The following CASK variants were observed in gnomAD, a reference collection of about 807,000 sequenced individuals.
CASK encodes peripheral plasma membrane protein CASK.
CASK carries 4 observed loss-of-function variants against 82.9 expected under a neutral mutation model. The ratio of observed to expected loss-of-function variants is 0.05; its 90% CI spans 0.02 to 0.11. The LOEUF (loss-of-function observed/expected upper bound fraction) is 0.11. Ranked by LOEUF, CASK falls within the 10% of genes least tolerant of loss-of-function variation. The probability of loss-of-function intolerance (pLI) is 1.00; values close to 1 mark genes in which losing one functional copy is unlikely to be tolerated. For missense variants in CASK, 358 were observed against 720.9 expected (o/e 0.50, Z 5.76); for synonymous variants, 259 against 253.5 (o/e 1.02, Z -0.20).
intron 5 of CASK, among the ~76,000 whole-genome samples, chrX:41,687,577 GTT>G: frequency 9.0e-6 from 1 of 111,626 alleles, no homozygotes; most frequent in South Asian, 3.7e-4. Context: ...GTGGTGAAGA[GTT>G]TTAGTTTTGC....
chrX:41,813,223 C>T (rs2070337250), intron 2 of CASK, among the ~76,000 whole-genome samples: 1 of 111,245 alleles, frequency 9.0e-6, no homozygotes, highest in Non-Finnish European at 1.9e-5. Flanking sequence ...ACTTTCTTCA[C>T]GAAATTGGAA....
chrX:41,914,381 T>A (rs772447559), intron 1 of CASK, among the ~76,000 whole-genome samples: 96 of 112,101 alleles, frequency 8.6e-4, no homozygotes, highest in African/African-American at 3.0e-3. Context: ...ATAAATAGAA[T>A]ACAAGAAGCT....
At chrX:41,916,956 G>C (rs1569482836) in intron 1 of CASK, among the ~76,000 whole-genome samples, 1 of 111,538 alleles carries the variant, frequency 9.0e-6, no homozygotes, top group Non-Finnish European at 1.9e-5. Flanking sequence ...CAGTTAGTTT[G>C]GTAACAAATG....
intron 17 of CASK, among the ~76,000 whole-genome samples, chrX:41,560,553 C>A (rs184665025): frequency 9.4e-6 from 1 of 106,549 alleles, no homozygotes; most frequent in Non-Finnish European, 1.9e-5. Flanking sequence ...CATGAGCCAC[C>A]GCACCCAGCC....
chrX:41,577,640 C>A (rs2065501569), intron 15 of CASK, among the ~76,000 whole-genome samples: 1 of 111,336 alleles, frequency 9.0e-6, no homozygotes. Flanking sequence ...TTTTTACTAC[C>A]AGGTTTACAC....
In CASK at chrX:41,827,774, G is replaced by A. The variant is rs1241972265; in HGVS notation, c.172+25341C>T. Among the ~76,000 whole-genome samples the A allele has an allele frequency of 2.7e-5, 3 of 111,762 alleles. No homozygotes were observed. In the Admixed American group the frequency reaches 2.8e-4, roughly 11 times the overall value. On this transcript the variant is annotated intron_variant, in intron 2 of 26. Transcript: ENST00000378163. Reference sequence around the variant, plus strand: ...GGTTTTTTATTTAAAGGTTTTTTTGGACATTTGTTTTAACACTATTAAAAG... The same window carrying A: ...GGTTTTTTATTTAAAGGTTTTTTTGAACATTTGTTTTAACACTATTAAAAG...
rs113561418 is a variant in CASK, at chrX:41,667,807, A to C, written c.533-2355T>G. Among the ~76,000 whole-genome samples the C allele has an allele frequency of 1.0e-2, 1,110 of 111,206 alleles. 11 individuals carry two copies. Among genetic ancestry groups the C allele is most frequent in the African/African-American group, 0.035 (1,064 of 30,559 alleles). On this transcript the variant is annotated intron_variant, in intron 6 of 26. Transcript: ENST00000378163. Reference sequence around the variant, plus strand: ...CTGCTCATAATTTAACCTTTTCTTGATGACTCAGAGTTGTCATTGTAGATA... The same window carrying C: ...CTGCTCATAATTTAACCTTTTCTTGCTGACTCAGAGTTGTCATTGTAGATA...
intron 25 of CASK, 21 bp from the exon 26 acceptor site, chrX:41,524,055 A>G (rs1472613916): frequency 9.4e-7 from 1 of 1,068,333 alleles, no homozygotes; most frequent in Admixed American, 2.4e-5. Context: ...AAAAAAAAAA[A>G]AAATCCCGAC....
At chrX:41,561,722 T>A in intron 16 of CASK, 78 bp from the exon 17 acceptor site, 1 of 776,719 alleles carries the variant, frequency 1.3e-6, no homozygotes, top group South Asian at 2.3e-5. Context: ...ATCAATGTAA[T>A]TTTTAAAAAC....
intron 5 of CASK, among the ~76,000 whole-genome samples, chrX:41,708,279 T>C (rs1441684208): frequency 1.8e-5 from 2 of 111,793 alleles, no homozygotes; most frequent in Non-Finnish European, 3.8e-5. Flanking sequence ...TTAATAGACA[T>C]AACATGTTTT....
intron 2 of CASK, among the ~76,000 whole-genome samples, chrX:41,818,143 TTCTGTG>T (rs2070449541): frequency 1.3e-5 from 1 of 76,020 alleles, no homozygotes; most frequent in Non-Finnish European, 2.6e-5. Flanking sequence ...CCAGGAGGCC[TTCTGTG>T]TGTGTGTGTG....
At chrX:41,667,733 T>C (rs1316075850) in intron 6 of CASK, among the ~76,000 whole-genome samples, 8 of 111,402 alleles carry the variant, frequency 7.2e-5, no homozygotes, top group African/African-American at 2.3e-4. Flanking sequence ...CTTAGTTAAA[T>C]AATTTTGTAT....
Position 41,517,619 on chromosome X carries a change from T to C in CASK, c.*2801A>G, listed in dbSNP as rs1602198405. The C allele has an allele frequency of 1.0e-5, 4 of 385,898 alleles. No homozygotes were observed. The highest frequency in any genetic ancestry group is 7.4e-4 in the Middle Eastern group (1 of 1,350). The allele number at this position is 385,898 out of a possible 1,213,427, so 31.8% of individuals were successfully genotyped here. On this transcript the variant is annotated 3_prime_UTR_variant, in exon 27 of 27. Transcript: ENST00000378163. ...AAAATGTGGCTCTCCAATACTTCAA[T>C]TGACCACTAATAAGATTTAGTACTC... is the stretch of plus-strand genomic sequence containing the variant.
intron 2 of CASK, among the ~76,000 whole-genome samples, chrX:41,850,085 TG>T (rs1374994976): frequency 3.6e-5 from 4 of 111,345 alleles, no homozygotes; most frequent in Non-Finnish European, 3.8e-5. Flanking sequence ...GCGGCTGAGG[TG>T]GGAGGATAAC....
At chrX:41,836,707 T>C (rs1005649276) in intron 2 of CASK, among the ~76,000 whole-genome samples, 1 of 111,694 alleles carries the variant, frequency 9.0e-6, no homozygotes, top group African/African-American at 3.2e-5. Context: ...GTATTTTGCA[T>C]GACAAAATTA....
intron 25 of CASK, 28 bp from the exon 26 acceptor site, chrX:41,524,062 C>T (rs752487564): frequency 1.8e-5 from 17 of 947,406 alleles, no homozygotes; most frequent in Admixed American, 2.5e-5. Context: ...AAAAAAATCC[C>T]GACTTAAAAG....
chrX:41,643,061 T>C (rs1262146951), intron 8 of CASK, among the ~76,000 whole-genome samples: 1 of 111,615 alleles, frequency 9.0e-6, no homozygotes, highest in Non-Finnish European at 1.9e-5. Context: ...TGGTTGTAGT[T>C]GTGTGGTATT....
In CASK at chrX:41,696,576, C is replaced by T. The variant is rs141775756; in HGVS notation, c.430-25046G>A. On this transcript the variant is annotated intron_variant, in intron 5 of 26. Transcript: ENST00000378163. ...CAAAACCAATGAGATCATGCTGGTT[C>T]TCTCATCTTTCAATAGTTGCTTAGA... is the stretch of plus-strand genomic sequence containing the variant. 3.3e-6 allele frequency: 4 copies of T among 1,205,812 alleles called. No individual in the cohort carries two copies. In the African/African-American group the frequency reaches 5.2e-5, roughly 16 times the overall value.
chrX:41,903,692 C>T (rs2072422656), intron 1 of CASK, among the ~76,000 whole-genome samples: 1 of 110,901 alleles, frequency 9.0e-6, no homozygotes, highest in Non-Finnish European at 1.9e-5. Flanking sequence ...ACTGGTTTTT[C>T]TTCCTTTATT....
Sources: gnomAD v4.1 joint callset for allele counts (sites outside exome capture counted in the v4.1 genomes callset) on GRCh38, gnomAD v4.1.1 for gene constraint, MANE v1.5 for transcripts, NCBI Gene and HGNC (gene_info 2026-07-23, HGNC 2026-07-21) for gene names.